Variants in GOLGA6L2 observed in about 807,000 individuals in gnomAD.
The protein encoded by GOLGA6L2 is golgin A6 family like 2.
A neutral mutation model predicts 35.9 loss-of-function variants in GOLGA6L2; 30 were observed. The observed-to-expected ratio is 0.83, with a 90% CI of 0.62 to 1.13. The LOEUF is 1.13. GOLGA6L2 is among the 50% of genes most tolerant of loss of function. GOLGA6L2 has a pLI of 0.00. For missense variants in GOLGA6L2, 821 were observed against 973.4 expected (o/e 0.84, Z 2.08); for synonymous variants, 297 against 344.0 (o/e 0.86, Z 1.51).
Position 23,440,726 on chromosome 15 carries a change from T to G in GOLGA6L2, c.1749A>C (p.Gly583=). ...CTCCTCCTTCTCCCGCAGCCTCTCG[T>G]CCTGCTCCCACATCCTCTCCTCCTG... is the stretch of plus-strand genomic sequence containing the variant. ...VGPGGEDVGA[G]REAAGEGGEN... The change falls in exon 8 of 8, where the codon GGA becomes GGC. Residue 583 remains glycine, a synonymous_variant. Coordinates refer to ENST00000567107, the MANE Select transcript of GOLGA6L2 (RefSeq NM_001304388.2). The G allele has an allele frequency of 1.3e-6, 2 of 1,514,026 alleles. No individual in the cohort carries two copies. The highest frequency in any genetic ancestry group is 8.9e-7 in the Non-Finnish European group (1 of 1,127,072). 93.8% of individuals were successfully genotyped at this position (1,514,026 alleles called of 1,614,324 possible). A position where few individuals can be genotyped will look rare whatever the true frequency, so the allele number is the denominator to read the frequency against.
chr15:23,440,282 ATCCTCTCCTTCTGGTCCCACATCT>A lies in GOLGA6L2; in HGVS notation c.2169_2192del (p.Glu723_Glu730del). On this transcript the variant is annotated inframe_deletion, in exon 8 of 8. Coordinates refer to ENST00000567107, the MANE Select transcript of GOLGA6L2 (RefSeq NM_001304388.2). ...CCGCAGCCTCTCGTCCTGCTCCCAC[ATCCTCTCCTTCTGGTCCCACATCT>A]TCTGCTCCTGATCTCCTGCTCCTGC... 6.1e-6 allele frequency: 1 copy of A among 164,324 alleles called. No homozygotes were observed. Among genetic ancestry groups the A allele is most frequent in the Non-Finnish European group, 1.2e-5 (1 of 84,536 alleles). 10.2% of individuals were successfully genotyped at this position (164,324 alleles called of 1,614,324 possible).
Position 23,442,205 on chromosome 15 carries a change from A to G in GOLGA6L2, c.651-85T>C. 3.5e-6 allele frequency: 5 copies of G among 1,445,050 alleles called. No individual in the cohort carries two copies. In the South Asian group the frequency reaches 3.8e-5, roughly 11 times the overall value. 89.5% of individuals were successfully genotyped at this position (1,445,050 alleles called of 1,614,324 possible). A position where few individuals can be genotyped will look rare whatever the true frequency, so the allele number is the denominator to read the frequency against. ...ATCAACCCTCTACTCTCGCCCCACA[A>G]GCACAGAACCGTGGCACTGGAAGGG... On this transcript the variant is annotated intron_variant, in intron 6 of 7. Transcript: ENST00000567107.
chr15:23,446,435 G>C (rs1448591282), intron 1 of GOLGA6L2, among the ~76,000 whole-genome samples: 1 of 152,220 alleles, frequency 6.6e-6, no homozygotes, highest in African/African-American at 2.4e-5. Context: ...ACCAGAGGAA[G>C]CAGAAACAGG....
chr15:23,440,654 CGCATCTTCTCCTCCT>C lies in GOLGA6L2; in HGVS notation c.1806_1820del (p.Asp606_Glu610del). ...CTGCTCCTGCGTCTTCTTCTCCTCCCGCATCTTCTCCTCCTGCTGCCACATCTTCTTCTGCTCCCG... is the reference window on the plus strand; with the variant it reads ...CTGCTCCTGCGTCTTCTTCTCCTCCCGCTGCCACATCTTCTTCTGCTCCCG... On this transcript the variant is annotated inframe_deletion, in exon 8 of 8. Transcript: ENST00000567107. 1 of 1,435,944 alleles carries C rather than the reference CGCATCTTCTCCTCCT, an allele frequency of 7.0e-7. No homozygotes were observed. The highest frequency in any genetic ancestry group is 1.2e-5 in the South Asian group (1 of 80,376). 89.0% of individuals were successfully genotyped at this position (1,435,944 alleles called of 1,614,324 possible).
rs1595259400 is a variant in GOLGA6L2, at chr15:23,445,274, C to T, written c.213+36G>A. 1.2e-5 allele frequency: 4 copies of T among 329,124 alleles called. 1 individual carries two copies. Among genetic ancestry groups the T allele is most frequent in the Non-Finnish European group, 1.7e-5 (4 of 233,478 alleles). The allele number at this position is 329,124 out of a possible 1,614,324, so 20.4% of individuals were successfully genotyped here. A position where few individuals can be genotyped will look rare whatever the true frequency, so the allele number is the denominator to read the frequency against. On this transcript the variant is annotated intron_variant, in intron 2 of 7. Transcript: ENST00000567107. ...AGTTACCCTCGACCTCCCCTTGTGC[C>T]CCTTGTCCTCAGGAGACCGGCCAGC...
chr15:23,444,101 G>GA (rs1273834043), intron 4 of GOLGA6L2, 28 bp from the exon 5 acceptor site: 2 of 1,586,198 alleles, frequency 1.3e-6, no homozygotes, highest in Non-Finnish European at 1.7e-6. Flanking sequence ...AGCAAGTGCT[G>GA]AAAGAGAAGC....
chr15:23,441,341 C>A lies in GOLGA6L2; in HGVS notation c.1134G>T (p.Leu378=). The A allele has an allele frequency of 6.5e-7, 1 of 1,539,674 alleles. No individual in the cohort carries two copies. Among genetic ancestry groups the A allele is most frequent in the Non-Finnish European group, 8.7e-7 (1 of 1,146,180 alleles). The change falls in exon 8 of 8, where the codon CTG becomes CTT. Residue 378 remains leucine, a synonymous_variant. Coordinates refer to ENST00000567107, the MANE Select transcript of GOLGA6L2 (RefSeq NM_001304388.2). ...EEKMWRQEER[L]WEQEKQMREQ... is the part of the protein sequence containing the mutation. ...CCCGCATCTGCTTCTCCTGCTCCCA[C>A]AGCCTCTCCTCCTGTCTCCACATCT... is the stretch of plus-strand genomic sequence containing the variant.
intron 7 of GOLGA6L2, 133 bp downstream of exon 7, chr15:23,441,846 T>C: frequency 7.3e-7 from 1 of 1,370,688 alleles, no homozygotes; most frequent in Non-Finnish European, 9.6e-7. Context: ...TCTAGAGGAT[T>C]CTATGGTGGG....
At chr15:23,442,896 A>G (rs12899836) in intron 5 of GOLGA6L2, among the ~76,000 whole-genome samples, 122,648 of 151,792 alleles carry the variant, frequency 0.81, 50,312 homozygotes, top group Middle Eastern at 0.88. Context: ...AGGGAAAGAG[A>G]CTGAATTGAT....
At chr15:23,443,650 A>C (rs894689796) in intron 5 of GOLGA6L2, 127 bp downstream of exon 5, 96 of 849,082 alleles carry the variant, frequency 1.1e-4, no homozygotes, top group Non-Finnish European at 1.7e-4. Flanking sequence ...CCACACACAA[A>C]AGCAGCAAGA....
In GOLGA6L2 at chr15:23,441,973, G is replaced by A. The variant is rs750476172; in HGVS notation, c.792+6C>T. On this transcript the variant is annotated splice_donor_region_variant and intron_variant, in intron 7 of 7. Coordinates refer to ENST00000567107, the MANE Select transcript of GOLGA6L2 (RefSeq NM_001304388.2). ...TCCCACAACCCCTGGGGCTGCAGCCGCTCACCTGTGGCAGCAGGAACTTGG... is the reference window on the plus strand; with the variant it reads ...TCCCACAACCCCTGGGGCTGCAGCCACTCACCTGTGGCAGCAGGAACTTGG... 1.2e-5 allele frequency: 18 copies of A among 1,543,052 alleles called. No individual in the cohort carries two copies. The highest frequency in any genetic ancestry group is 5.9e-5 in the South Asian group (5 of 84,470).
chr15:23,439,583 TAGA>T lies in GOLGA6L2; in HGVS notation c.*159_*161del. 1 of 1,535,792 alleles carries T rather than the reference TAGA, an allele frequency of 6.5e-7. No homozygotes were observed. Among genetic ancestry groups the T allele is most frequent in the Non-Finnish European group, 8.7e-7 (1 of 1,146,724 alleles). Reference sequence around the variant, plus strand: ...CTTCATCTTTCTCTTGTCTCCTCGGTAGAAGAATGGGATGCAGGAGGTACTGCC... The same window carrying T: ...CTTCATCTTTCTCTTGTCTCCTCGGTAGAATGGGATGCAGGAGGTACTGCC... On this transcript the variant is annotated 3_prime_UTR_variant, in exon 8 of 8. Coordinates refer to ENST00000567107, the MANE Select transcript of GOLGA6L2 (RefSeq NM_001304388.2).
At position 23,444,620 on chromosome 15, in the gene GOLGA6L2, T is replaced by C. The variant is rs1395147084; in HGVS notation, c.214-120A>G. ...TAAAGGGCAACGTTCTCAGACCCAA[T>C]GGGAACATGAAGTGGTAAACTCTCA... On this transcript the variant is annotated intron_variant, in intron 2 of 7. Transcript: ENST00000567107. 5 of 833,238 alleles carry C rather than the reference T, an allele frequency of 6.0e-6. No homozygotes were observed. The African/African-American group carries it at 6.7e-5, about 11-fold the overall frequency. The allele number at this position is 833,238 out of a possible 1,614,324, so 51.6% of individuals were successfully genotyped here.
In GOLGA6L2 at chr15:23,440,554, C is replaced by G. The variant is rs1206850247; in HGVS notation, c.1921G>C (p.Gly641Arg). 15 of 1,285,750 alleles carry G rather than the reference C, an allele frequency of 1.2e-5. No homozygotes were observed. The highest frequency in any genetic ancestry group is 1.5e-5 in the Non-Finnish European group (14 of 913,192). The allele number at this position is 1,285,750 out of a possible 1,614,324, so 79.6% of individuals were successfully genotyped here. A position where few individuals can be genotyped will look rare whatever the true frequency, so the allele number is the denominator to read the frequency against. The part of the protein sequence containing the change: ...EDAGAGEEDA[G>R]GGGDDAGAGG... Reference sequence around the variant, plus strand: ...GCTCCCGCATCATCTCCTCCTCCTCCCGCATCTTCTTCTCCCGCTCCCGCA... The same window carrying G: ...GCTCCCGCATCATCTCCTCCTCCTCGCGCATCTTCTTCTCCCGCTCCCGCA... The change falls in exon 8 of 8, where the codon GGA becomes CGA. Residue 641 changes from glycine to arginine, a missense_variant. Gly to Arg is a moderately radical substitution (Grantham distance 125). Coordinates refer to ENST00000567107, the MANE Select transcript of GOLGA6L2 (RefSeq NM_001304388.2).
chr15:23,441,593 C>T lies in GOLGA6L2; in HGVS notation c.882G>A (p.Lys294=). 6.5e-7 allele frequency: 1 copy of T among 1,549,360 alleles called. No individual in the cohort carries two copies. The highest frequency in any genetic ancestry group is 8.7e-7 in the Non-Finnish European group (1 of 1,146,850). The change falls in exon 8 of 8, where the codon AAG becomes AAA. Residue 294 remains lysine, a synonymous_variant. Transcript: ENST00000567107. ...QEKKIRKQEE[K]MWRQEERLRE... Reference sequence around the variant, plus strand: ...GCAGTCTCTCCTCCTGTCTCCACATCTTCTCCTCCTGCTTCCGTATCTTCT... The same window carrying T: ...GCAGTCTCTCCTCCTGTCTCCACATTTTCTCCTCCTGCTTCCGTATCTTCT...
chr15:23,447,196 C>A lies in GOLGA6L2; in HGVS notation c.-15G>T, dbSNP rs182036452. 5.4e-6 allele frequency: 8 copies of A among 1,484,868 alleles called. No individual in the cohort carries two copies. In the African/African-American group the frequency reaches 9.7e-5, roughly 18 times the overall value. 92.0% of individuals were successfully genotyped at this position (1,484,868 alleles called of 1,614,324 possible). ...TGGGGCCACATCAGCGTGATTCAGA[C>A]GAGGACAAGGATACACCTCCAGTCA... On this transcript the variant is annotated 5_prime_UTR_variant, in exon 1 of 8. Coordinates refer to ENST00000567107, the MANE Select transcript of GOLGA6L2 (RefSeq NM_001304388.2).
chr15:23,442,561 C>T, intron 5 of GOLGA6L2, 53 bp from the exon 6 acceptor site: 2 of 1,530,370 alleles, frequency 1.3e-6, no homozygotes, highest in Non-Finnish European at 1.8e-6. Flanking sequence ...GAGCAGCTGG[C>T]CGACCAGGAA....
rs1274438446 is a variant in GOLGA6L2 at position 23,440,824 on chromosome 15, C to CAT, written c.1650_1651insAT (p.Ala551MetfsTer428). 1 of 1,516,646 alleles carries CAT rather than the reference C, an allele frequency of 6.6e-7. No individual in the cohort carries two copies. The highest frequency in any genetic ancestry group is 8.9e-7 in the Non-Finnish European group (1 of 1,128,384). 93.9% of individuals were successfully genotyped at this position (1,516,646 alleles called of 1,614,324 possible). A position where few individuals can be genotyped will look rare whatever the true frequency, so the allele number is the denominator to read the frequency against. ...ACATCTGCTTCTCCTGCTCCTGCAG[C>CAT]CTCTCCTCCTGTCTCCACATCTTCC... On this transcript the variant is annotated frameshift_variant, in exon 8 of 8. Transcript: ENST00000567107. LOFTEE classifies it low-confidence loss of function (END_TRUNC).
chr15:23,441,398 C>T lies in GOLGA6L2; in HGVS notation c.1077G>A (p.Glu359=). Residue 359 remains glutamate (E), a synonymous_variant, in exon 8 of 8, where the codon GAG becomes GAA. Coordinates refer to ENST00000567107, the MANE Select transcript of GOLGA6L2 (RefSeq NM_001304388.2). ...QMQEQEEKMW[E]QEEKMREQEE... ...CCTGCTCCCGCATCTTCTCCTCCTG[C>T]TCCCACATCTTCTCCTCCTGCTCCT... 2.6e-6 allele frequency: 4 copies of T among 1,535,640 alleles called. No homozygotes were observed. The highest frequency in any genetic ancestry group is 3.5e-6 in the Non-Finnish European group (4 of 1,141,926).
Sources: gnomAD v4.1 joint callset for allele counts (sites outside exome capture counted in the v4.1 genomes callset) on GRCh38, gnomAD v4.1.1 for gene constraint, MANE v1.5 for transcripts, NCBI Gene and HGNC (gene_info 2026-07-23, HGNC 2026-07-21) for gene names.